The following TBC1D21 variants were observed in gnomAD, a reference collection of about 807,000 sequenced individuals.
TBC1D21 encodes the protein male germ cell Rab GTPase-activating protein.
A neutral mutation model predicts 46.0 loss-of-function variants in TBC1D21; 38 were observed. That is an observed-to-expected ratio of 0.83 (90% CI 0.64 to 1.08). The LOEUF is 1.08. Among genes scored for constraint, TBC1D21 ranks in the 50% least tolerant of loss-of-function variants. The pLI is 0.00. For missense variants in TBC1D21, 415 were observed against 417.9 expected, an observed-to-expected ratio of 0.99 and a Z score of 0.06; for synonymous variants, 151 against 157.2, an observed-to-expected ratio of 0.96 and a Z score of 0.29.
intron 1 of TBC1D21, among the ~76,000 whole-genome samples, chr15:73,879,294 G>A (rs1334501841): frequency 6.6e-6 from 1 of 152,102 alleles, no homozygotes; most frequent in Non-Finnish European, 1.5e-5. Flanking sequence ...TGCAATCTCC[G>A]CCTCCCAGGT....
In TBC1D21 at chr15:73,886,080, A is replaced by G; in HGVS notation, c.582A>G (p.Glu194=). The G allele has an allele frequency of 1.9e-6, 3 of 1,613,980 alleles. No homozygotes were observed. Among genetic ancestry groups the G allele is most frequent in the Non-Finnish European group, 2.5e-6 (3 of 1,179,856 alleles). The change falls in exon 7 of 11, where the codon GAA becomes GAG. Residue 194 remains glutamate, a splice_region_variant and synonymous_variant. Transcript: ENST00000300504. The part of the protein sequence containing the change: ...WLFQFFLQKT[E]HSCVINIGVA... ...CTGTCTCCCACCATCGTGTGCAGGA[A>G]CACAGCTGTGTCATCAACATTGGCG...
chr15:73,894,652 G>A, the TBC1D21 span, among the ~76,000 whole-genome samples: 1 of 152,194 alleles, frequency 6.6e-6, no homozygotes, highest in Non-Finnish European at 1.5e-5. Flanking sequence ...CAGCTGGGGT[G>A]GGCCAAGTGT....
intron 10 of TBC1D21, 85 bp downstream of exon 10, chr15:73,888,598 TC>T: frequency 2.7e-5 from 24 of 896,034 alleles, no homozygotes; most frequent in Non-Finnish European, 3.1e-5. Flanking sequence ...CTCCTCCTCC[TC>T]CTCCTCTTCT....
chr15:73,874,092 C>T (rs1318200350), intron 1 of TBC1D21, among the ~76,000 whole-genome samples: 1 of 152,192 alleles, frequency 6.6e-6, no homozygotes, highest in African/African-American at 2.4e-5. Context: ...TGGTATACTG[C>T]CACCAGGTGG....
At chr15:73,881,535 C>T in intron 2 of TBC1D21, 29 bp downstream of exon 2, 1 of 1,609,930 alleles carries the variant, frequency 6.2e-7, no homozygotes, top group Non-Finnish European at 8.5e-7. Context: ...CTTGGCCTTG[C>T]CCTGGAACTG....
chr15:73,886,979 C>T (rs537477215), intron 8 of TBC1D21, among the ~76,000 whole-genome samples: 70 of 152,210 alleles, frequency 4.6e-4, no homozygotes, highest in Non-Finnish European at 8.5e-4. Flanking sequence ...TTCCCCTTCC[C>T]CAGAGTGCTG....
At position 73,881,672 on chromosome 15, in the gene TBC1D21, C is replaced by G. The variant is rs534115621; in HGVS notation, c.197C>G (p.Ala66Gly). 2.5e-6 allele frequency: 4 copies of G among 1,613,754 alleles called. No individual in the cohort carries two copies. Among genetic ancestry groups the G allele is most frequent in the African/African-American group, 1.3e-5 (1 of 74,828 alleles). The change falls in exon 3 of 11, where the codon GCC becomes GGC. Residue 66 changes from alanine to glycine, a missense_variant. Physicochemically the swap from Ala to Gly is moderately conservative, Grantham distance 60 (BLOSUM62 0). Coordinates refer to ENST00000300504, the MANE Select transcript of TBC1D21 (RefSeq NM_153356.3). ...CTGCACCCCTTCGTGAGGACTGAAG[C>G]CTGGAAATTCCTCACGGGCTACTTC... is the stretch of plus-strand genomic sequence containing the variant. Reference protein sequence around the residue: ...RGLHPFVRTEAWKFLTGYFSW... With the variant: ...RGLHPFVRTEGWKFLTGYFSW...
the TBC1D21 span, among the ~76,000 whole-genome samples, chr15:73,902,296 C>T: frequency 6.6e-6 from 1 of 152,180 alleles, no homozygotes; most frequent in African/African-American, 2.4e-5. Context: ...CTCTTGTTGA[C>T]ACCTCCCCAG....
chr15:73,892,146 A>G (rs2068342387), downstream of TBC1D21, among the ~76,000 whole-genome samples: 1 of 152,206 alleles, frequency 6.6e-6, no homozygotes, highest in Non-Finnish European at 1.5e-5. Flanking sequence ...AGCCTCAGGC[A>G]GACTACCGGA....
At chr15:73,876,464 C>G (rs1322496407) in intron 1 of TBC1D21, among the ~76,000 whole-genome samples, 1 of 146,950 alleles carries the variant, frequency 6.8e-6, no homozygotes, top group African/African-American at 2.5e-5. Context: ...AGGATGGTCT[C>G]GATCTCTTGA....
At chr15:73,897,531 C>G in the TBC1D21 span, among the ~76,000 whole-genome samples, 1 of 152,150 alleles carries the variant, frequency 6.6e-6, no homozygotes, top group Admixed American at 6.5e-5. Context: ...GGGTGAGCCA[C>G]CTCCTCTTTC....
chr15:73,875,079 T>C (rs1882858268), intron 1 of TBC1D21, among the ~76,000 whole-genome samples: 1 of 151,910 alleles, frequency 6.6e-6, no homozygotes, highest in Non-Finnish European at 1.5e-5. Flanking sequence ...AAACCCTGTC[T>C]CTACTAAAAA....
chr15:73,901,629 T>C, the TBC1D21 span, among the ~76,000 whole-genome samples: 7,650 of 152,306 alleles, frequency 0.05, 278 homozygotes, highest in South Asian at 0.083. Flanking sequence ...TGGTTCCTTC[T>C]GGAGACTCTA....
intron 1 of TBC1D21, among the ~76,000 whole-genome samples, chr15:73,878,475 T>C (rs1180469398): frequency 1.3e-5 from 2 of 152,232 alleles, no homozygotes; most frequent in Non-Finnish European, 2.9e-5. Context: ...TAGAAGTACA[T>C]TGTATTTCTA....
In TBC1D21 at chr15:73,873,638, C is replaced by T. The variant is rs549476505; in HGVS notation, c.-72C>T. ...TCCTCCTGGGAATGCAACCCATCTC[C>T]GAAAAGGATTAAGCATCACTAGGGC... is the stretch of plus-strand genomic sequence containing the variant. On this transcript the variant is annotated 5_prime_UTR_variant, in exon 1 of 11. Coordinates refer to ENST00000300504, the MANE Select transcript of TBC1D21 (RefSeq NM_153356.3). 3.8e-5 allele frequency: 58 copies of T among 1,525,836 alleles called. No homozygotes were observed. The highest frequency in any genetic ancestry group is 1.2e-4 in the African/African-American group (9 of 72,568). The allele number at this position is 1,525,836 out of a possible 1,614,324, so 94.5% of individuals were successfully genotyped here. A position where few individuals can be genotyped will look rare whatever the true frequency, so the allele number is the denominator to read the frequency against.
intron 1 of TBC1D21, among the ~76,000 whole-genome samples, chr15:73,874,671 T>C (rs1325028431): frequency 6.6e-6 from 1 of 152,176 alleles, no homozygotes; most frequent in East Asian, 1.9e-4. Flanking sequence ...CCTGCAGCAT[T>C]AGCACCAACT....
the TBC1D21 span, among the ~76,000 whole-genome samples, chr15:73,894,613 G>A: frequency 6.6e-6 from 1 of 152,148 alleles, no homozygotes; most frequent in Non-Finnish European, 1.5e-5. Flanking sequence ...GGCAGGTCCC[G>A]CATGGAAGCA....
intron 1 of TBC1D21, among the ~76,000 whole-genome samples, chr15:73,876,078 A>G (rs1052956337): frequency 5.3e-5 from 8 of 151,988 alleles, no homozygotes; most frequent in African/African-American, 1.9e-4. Flanking sequence ...CTTGCTAGCA[A>G]GTGTCTGAGA....
intron 10 of TBC1D21, 144 bp downstream of exon 10, chr15:73,888,657 T>TTCTTCCTCCTCC (rs1337519727): frequency 3.1e-6 from 2 of 649,256 alleles, no homozygotes; most frequent in African/African-American, 2.0e-5. Context: ...CCTCCTCCTC[T>TTCTTCCTCCTCC]TCTTCCTCCT....
Sources: allele counts gnomAD v4.1 joint callset (sites outside exome capture counted in the v4.1 genomes callset), GRCh38; gene constraint gnomAD v4.1.1; transcripts MANE v1.5; gene names NCBI Gene and HGNC (gene_info 2026-07-23, HGNC 2026-07-21).